MBL2: variants seen among roughly 807,000 people sequenced by gnomAD.
MBL2 encodes the protein mannose-binding protein C.
In MBL2, 6 loss-of-function variants were observed where a neutral mutation model predicts 12.7. The ratio of observed to expected loss-of-function variants is 0.47; its 90% CI spans 0.26 to 0.94. The LOEUF is 0.94. Among genes scored for constraint, MBL2 ranks in the 40% least tolerant of loss-of-function variants. The pLI, the probability that MBL2 is intolerant of heterozygous loss-of-function variation, is 0.15. For synonymous variants in MBL2, 114 were observed against 112.0 expected (o/e 1.02, Z -0.11); for missense variants, 307 against 295.2 (o/e 1.04, Z -0.29).
Position 52,771,829 on chromosome 10 carries a change from A to C in MBL2, c.-9-185T>G, listed in dbSNP as rs944864948. ...CACTGCGTGACTAGTACTTTAACAA[A>C]GGTAGGCACTATGATGAGCAGTGGG... On this transcript the variant is annotated intron_variant, in intron 1 of 4. Coordinates refer to ENST00000674931, the MANE Select transcript of MBL2 (RefSeq NM_001378373.1). The C allele has an allele frequency of 5.1e-6, 4 of 785,462 alleles. No homozygotes were observed. The African/African-American group carries it at 7.0e-5, about 14-fold the overall frequency. 48.7% of individuals were successfully genotyped at this position (785,462 alleles called of 1,614,324 possible).
chr10:52,769,811 A>C (rs1479420768), intron 3 of MBL2, among the ~76,000 whole-genome samples: 1 of 152,118 alleles, frequency 6.6e-6, no homozygotes, highest in Non-Finnish European at 1.5e-5. Flanking sequence ...GATTTTTGTG[A>C]GTTGCCCATT....
Position 52,767,015 on chromosome 10 carries a change from G to C in MBL2, c.*1122C>G, listed in dbSNP as rs2132689777. The C allele has an allele frequency of 6.6e-6, 1 of 152,092 alleles. No homozygotes were observed. The highest frequency in any genetic ancestry group is 2.4e-5 in the African/African-American group (1 of 41,432). The allele number at this position is 152,092 out of a possible 1,614,324, so 9.4% of individuals were successfully genotyped here. A position where few individuals can be genotyped will look rare whatever the true frequency, so the allele number is the denominator to read the frequency against. ...AACTGAAAACATTGACTTTTTACAA[G>C]CACATAGAGCATCTAGGACTGCCAC... On this transcript the variant is annotated 3_prime_UTR_variant, in exon 5 of 5. Coordinates refer to ENST00000674931, the MANE Select transcript of MBL2 (RefSeq NM_001378373.1).
chr10:52,768,266 T>G lies in MBL2; in HGVS notation c.618A>C (p.Thr206=), dbSNP rs1840336716. Residue 206 remains threonine, a synonymous_variant, in exon 5 of 5, where the codon ACA becomes ACC. Coordinates refer to ENST00000674931, the MANE Select transcript of MBL2 (RefSeq NM_001378373.1). ...TGTTGGGTTCACCCTCGTTCCAGTT[T>G]GTGTAGGTCAGTCTATTTCCTGTCA... ...VDLTGNRLTY[T]NWNEGEPNNA... The G allele has an allele frequency of 6.2e-7, 1 of 1,613,912 alleles. No individual in the cohort carries two copies. The highest frequency in any genetic ancestry group is 1.1e-5 in the South Asian group (1 of 91,082).
Position 52,769,171 on chromosome 10 carries a change from T to G in MBL2, c.373+76A>C, listed in dbSNP as rs1038428662. On this transcript the variant is annotated intron_variant, in intron 4 of 4. Transcript: ENST00000674931. The stretch of plus-strand genomic sequence containing the variant: ...GCCTAGCAGGGTACAGAAAATTATA[T>G]GCATTCAACAAATATTTGTTGCATT... 8 of 917,568 alleles carry G rather than the reference T, an allele frequency of 8.7e-6. No homozygotes were observed. In the Admixed American group the frequency reaches 1.7e-4, roughly 20 times the overall value. The allele number at this position is 917,568 out of a possible 1,614,324, so 56.8% of individuals were successfully genotyped here.
Position 52,772,726 on chromosome 10 carries a change from A to C in MBL2, c.-10+11T>G. The C allele has an allele frequency of 1.0e-6, 1 of 985,244 alleles. No homozygotes were observed. The allele number at this position is 985,244 out of a possible 1,614,324, so 61.0% of individuals were successfully genotyped here. A position where few individuals can be genotyped will look rare whatever the true frequency, so the allele number is the denominator to read the frequency against. On this transcript the variant is annotated intron_variant, in intron 1 of 4. Coordinates refer to ENST00000674931, the MANE Select transcript of MBL2 (RefSeq NM_001378373.1). ...CCGGAAACCCAGATTTATTCACCAG[A>C]AATGACTTACTGGTGTTTCTGCAGA...
intron 4 of MBL2, among the ~76,000 whole-genome samples, chr10:52,768,811 A>C (rs575085060): frequency 6.6e-6 from 1 of 152,204 alleles, no homozygotes; most frequent in South Asian, 2.1e-4. Context: ...CTGTGCTTTC[A>C]GATCAGAATT....
intron 2 of MBL2, 52 bp downstream of exon 2, chr10:52,771,397 A>G: frequency 6.3e-7 from 1 of 1,593,072 alleles, no homozygotes. Context: ...ATCCCCAGGC[A>G]GTTTCCTCTG....
Position 52,768,419 on chromosome 10 carries a change from A to C in MBL2, c.465T>G (p.Cys155Trp), listed in dbSNP as rs1290442390. Residue 155 changes from cysteine (C) to tryptophan (W), a missense_variant, in exon 5 of 5, where the codon TGT (cysteine) becomes TGG (tryptophan). Physicochemically the swap from Cys to Trp is radical, Grantham distance 215. Coordinates refer to ENST00000674931, the MANE Select transcript of MBL2 (RefSeq NM_001378373.1). ...IMTFEKVKALCVKFQASVATP... is the reference protein window; with the variant it reads ...IMTFEKVKALWVKFQASVATP... ...TGGCCACAGAGGCCTGGAACTTGAC[A>C]CACAAGGCCTTCACTTTTTCAAAGG... 6.2e-7 allele frequency: 1 copy of C among 1,612,902 alleles called. No homozygotes were observed. The highest frequency in any genetic ancestry group is 1.3e-5 in the African/African-American group (1 of 74,646).
chr10:52,768,017 A>C lies in MBL2; in HGVS notation c.*120T>G. 1 of 1,280,158 alleles carries C rather than the reference A, an allele frequency of 7.8e-7. No homozygotes were observed. Among genetic ancestry groups the C allele is most frequent in the Non-Finnish European group, 1.1e-6 (1 of 942,056 alleles). The allele number at this position is 1,280,158 out of a possible 1,614,324, so 79.3% of individuals were successfully genotyped here. On this transcript the variant is annotated 3_prime_UTR_variant, in exon 5 of 5. Coordinates refer to ENST00000674931, the MANE Select transcript of MBL2 (RefSeq NM_001378373.1). ...GTGCTGTTAGTGATCATTTTTAGTG[A>C]TTGCCCACAAAAGGAACAATACTGG...
chr10:52,770,674 A>C lies in MBL2; in HGVS notation c.300T>G (p.Ser100Arg). The C allele has an allele frequency of 6.8e-7, 1 of 1,473,686 alleles. No homozygotes were observed. Among genetic ancestry groups the C allele is most frequent in the African/African-American group, 1.4e-5 (1 of 69,596 alleles). 91.3% of individuals were successfully genotyped at this position (1,473,686 alleles called of 1,614,324 possible). Residue 100 changes from serine (S) to arginine (R), a missense_variant, in exon 3 of 5, where the codon AGT becomes AGG. Ser to Arg is a moderately radical substitution (Grantham distance 110). Coordinates refer to ENST00000674931, the MANE Select transcript of MBL2 (RefSeq NM_001378373.1). ...AGACCTTGCTGGGGTCCTTACCCGGACTTTTTCCAGGGTCTCCTTTTTGGC... is the reference window on the plus strand; with the variant it reads ...AGACCTTGCTGGGGTCCTTACCCGGCCTTTTTCCAGGGTCTCCTTTTTGGC... ...PKGQKGDPGK[S>R]PDGDSSLAAS...
rs1840298632 is a variant in MBL2 at position 52,765,927 on chromosome 10, C to G, written c.*2210G>C. The stretch of plus-strand genomic sequence containing the variant: ...AAATAAACTTATTGAGTTTACTAAA[C>G]ATCGTAAGACTACACACAAAACTTA... On this transcript the variant is annotated 3_prime_UTR_variant, in exon 5 of 5. Transcript: ENST00000674931. 1 of 151,956 alleles carries G rather than the reference C, an allele frequency of 6.6e-6. No homozygotes were observed. The highest frequency in any genetic ancestry group is 6.6e-5 in the Admixed American group (1 of 15,260). The allele number at this position is 151,956 out of a possible 1,614,324, so 9.4% of individuals were successfully genotyped here.
In MBL2 at chr10:52,768,610, A is replaced by G. The variant is rs1157503534; in HGVS notation, c.374-100T>C. On this transcript the variant is annotated intron_variant, in intron 4 of 4. Coordinates refer to ENST00000674931, the MANE Select transcript of MBL2 (RefSeq NM_001378373.1). The stretch of plus-strand genomic sequence containing the variant: ...CTAGAGTACAGTTGCCGGATAAAAT[A>G]TAGTATGTCCAGTTAAATTTGAATT... 3.8e-6 allele frequency: 3 copies of G among 782,750 alleles called. No individual in the cohort carries two copies. The East Asian group carries it at 7.7e-5, about 20-fold the overall frequency. The allele number at this position is 782,750 out of a possible 1,614,324, so 48.5% of individuals were successfully genotyped here.
At chr10:52,771,925 G>T (rs7096206) in intron 1 of MBL2, among the ~76,000 whole-genome samples, 5 of 152,168 alleles carry the variant, frequency 3.3e-5, no homozygotes, top group Middle Eastern at 3.4e-3. Context: ...ACATGCTTTC[G>T]GTGGCAGTGA....
intron 4 of MBL2, 61 bp downstream of exon 4, chr10:52,769,186 T>A: frequency 8.8e-7 from 1 of 1,134,734 alleles, no homozygotes; most frequent in Non-Finnish European, 1.3e-6. Flanking sequence ...TCAACAAATA[T>A]TTGTTGCATT....
intron 1 of MBL2, chr10:52,771,845 G>A (rs1840398193): frequency 1.5e-6 from 1 of 675,382 alleles, no homozygotes; most frequent in Non-Finnish European, 2.4e-6. Flanking sequence ...GCACTATGAT[G>A]AGCAGTGGGG....
Position 52,771,535 on chromosome 10 carries a change from G to T in MBL2, c.101C>A (p.Ala34Glu), listed in dbSNP as rs1245655310. Residue 34 changes from alanine (A) to glutamate (E), a missense_variant, in exon 2 of 5, where the codon GCA (alanine) becomes GAA (glutamate). Ala to Glu is a moderately radical substitution (Grantham distance 107). Transcript: ENST00000674931. The part of the protein sequence containing the change: ...TCEDAQKTCP[A>E]VIACSSPGIN... Reference sequence around the variant, plus strand: ...GCCTGGAGAGCTACAGGCAATCACTGCAGGGCAGGTCTTTTGGGCATCCTC... The same window carrying T: ...GCCTGGAGAGCTACAGGCAATCACTTCAGGGCAGGTCTTTTGGGCATCCTC... The T allele has an allele frequency of 6.2e-7, 1 of 1,613,836 alleles. No homozygotes were observed. Among genetic ancestry groups the T allele is most frequent in the South Asian group, 1.1e-5 (1 of 91,072 alleles).
rs1438807395 is a variant in MBL2 at position 52,771,517 on chromosome 10, G to A, written c.119C>T (p.Ser40Phe). The A allele has an allele frequency of 6.2e-7, 1 of 1,613,912 alleles. No homozygotes were observed. The highest frequency in any genetic ancestry group is 8.5e-7 in the Non-Finnish European group (1 of 1,179,878). Reference protein sequence around the residue: ...KTCPAVIACSSPGINGFPGKD... With the variant: ...KTCPAVIACSFPGINGFPGKD... The stretch of plus-strand genomic sequence containing the variant: ...GCCTGGGAAGCCGTTGATGCCTGGA[G>A]AGCTACAGGCAATCACTGCAGGGCA... The change falls in exon 2 of 5, where the codon TCT becomes TTT. Residue 40 changes from serine (S) to phenylalanine (F), a missense_variant. Coordinates refer to ENST00000674931, the MANE Select transcript of MBL2 (RefSeq NM_001378373.1).
rs1340034995 is a variant in MBL2 at position 52,766,747 on chromosome 10, G to A, written c.*1390C>T. Reference sequence around the variant, plus strand: ...CAAGTCAAAAACTAGCAAAATATTTGTAATACACATTAAAAAGGACATATT... The same window carrying A: ...CAAGTCAAAAACTAGCAAAATATTTATAATACACATTAAAAAGGACATATT... On this transcript the variant is annotated 3_prime_UTR_variant, in exon 5 of 5. Transcript: ENST00000674931. 2 of 150,454 alleles carry A rather than the reference G, an allele frequency of 1.3e-5. No homozygotes were observed. Among genetic ancestry groups the A allele is most frequent in the East Asian group, 1.9e-4 (1 of 5,188 alleles). 9.3% of individuals were successfully genotyped at this position (150,454 alleles called of 1,614,324 possible). A position where few individuals can be genotyped will look rare whatever the true frequency, so the allele number is the denominator to read the frequency against.
rs1164483152 is a variant in MBL2, at chr10:52,766,524, G to T, written c.*1613C>A. 6.6e-6 allele frequency: 1 copy of T among 151,904 alleles called. No homozygotes were observed. Among genetic ancestry groups the T allele is most frequent in the East Asian group, 1.9e-4 (1 of 5,192 alleles). The allele number at this position is 151,904 out of a possible 1,614,324, so 9.4% of individuals were successfully genotyped here. A position where few individuals can be genotyped will look rare whatever the true frequency, so the allele number is the denominator to read the frequency against. ...ATTAATAAAACTATTAGAAAAAAATGGAAAAATATCTTCATGATTTCAAAA... is the reference window on the plus strand; with the variant it reads ...ATTAATAAAACTATTAGAAAAAAATTGAAAAATATCTTCATGATTTCAAAA... On this transcript the variant is annotated 3_prime_UTR_variant, in exon 5 of 5. Coordinates refer to ENST00000674931, the MANE Select transcript of MBL2 (RefSeq NM_001378373.1).
Sources: allele counts gnomAD v4.1 joint callset (sites outside exome capture counted in the v4.1 genomes callset), GRCh38; gene constraint gnomAD v4.1.1; transcripts MANE v1.5; gene names NCBI Gene and HGNC (gene_info 2026-07-23, HGNC 2026-07-21).